CTSB: variants seen among roughly 807,000 people sequenced by gnomAD.
The protein encoded by CTSB is APP secretase.
A neutral mutation model predicts 44.3 loss-of-function variants in CTSB; 57 were observed. The observed-to-expected ratio is 1.29, with a 90% CI of 1.04 to 1.60. CTSB has a LOEUF of 1.60. Ranked by LOEUF, CTSB falls within the 40% of genes most tolerant of loss-of-function variation. The pLI is 0.00. For synonymous variants in CTSB, 320 were observed against 168.0 expected (o/e 1.91, Z -7.00); for missense variants, 768 against 443.0 (o/e 1.73, Z -6.59).
At chr8:11,852,574 C>G in intron 3 of CTSB, 36 bp downstream of exon 3, 3 of 1,566,428 alleles carry the variant, frequency 1.9e-6, no homozygotes, top group Non-Finnish European at 2.6e-6. Context: ...ACGCCTGCCA[C>G]TCACATTACA....
At chr8:11,859,327 T>C (rs1816013866) in intron 1 of CTSB, among the ~76,000 whole-genome samples, 1 of 152,114 alleles carries the variant, frequency 6.6e-6, no homozygotes, top group Admixed American at 6.5e-5. Flanking sequence ...TGAAGCCGTT[T>C]CCAGGACAAA....
intron 8 of CTSB, among the ~76,000 whole-genome samples, chr8:11,846,681 A>G (rs1218702720): frequency 6.6e-6 from 1 of 152,226 alleles, no homozygotes; most frequent in Non-Finnish European, 1.5e-5. Context: ...CTGCCATTAT[A>G]ACAGAAACAT....
In CTSB at chr8:11,852,708, C is replaced by A. The variant is rs781084924; in HGVS notation, c.127-13G>T. On this transcript the variant is annotated splice_polypyrimidine_tract_variant and intron_variant, in intron 2 of 9. Coordinates refer to ENST00000353047, the MANE Select transcript of CTSB (RefSeq NM_001908.5). ...AGTTGTGCCCGGCCTGGAAGAGAGT[C>A]ACCCACTGACTGAAGGGTCTCCCGG... is the stretch of plus-strand genomic sequence containing the variant. The A allele has an allele frequency of 8.7e-6, 14 of 1,612,566 alleles. No homozygotes were observed. Among genetic ancestry groups the A allele is most frequent in the Non-Finnish European group, 1.0e-5 (12 of 1,179,000 alleles).
chr8:11,851,931 T>G (rs1814658787), intron 3 of CTSB, among the ~76,000 whole-genome samples: 1 of 152,178 alleles, frequency 6.6e-6, no homozygotes, highest in South Asian at 2.1e-4. Flanking sequence ...CATCCCAAAG[T>G]GCTGGGATTA....
At position 11,850,782 on chromosome 8, in the gene CTSB, GT is replaced by G; in HGVS notation, c.327+83del. ...TTCTATAACTTGCCTTGTCAGAGTTGTCCCCACCCCGAATCCCCCAAGACTC... is the reference window on the plus strand; with the variant it reads ...TTCTATAACTTGCCTTGTCAGAGTTGCCCCACCCCGAATCCCCCAAGACTC... On this transcript the variant is annotated intron_variant, in intron 4 of 9. Transcript: ENST00000353047. The G allele has an allele frequency of 9.8e-6, 9 of 922,080 alleles. No homozygotes were observed. In the South Asian group the frequency reaches 1.4e-4, roughly 14 times the overall value. 57.1% of individuals were successfully genotyped at this position (922,080 alleles called of 1,614,324 possible).
intron 4 of CTSB, chr8:11,849,995 T>A (rs1185773498): frequency 1.3e-5 from 2 of 152,414 alleles, no homozygotes; most frequent in African/African-American, 4.8e-5. Flanking sequence ...GAGTGGGGCT[T>A]ACCAGGGGCT....
intron 3 of CTSB, 118 bp from the exon 4 acceptor site, chr8:11,851,098 C>G (rs565260977): frequency 2.5e-5 from 15 of 590,066 alleles, no homozygotes; most frequent in Admixed American, 1.1e-4. Flanking sequence ...ACAAGACATG[C>G]CGAAGAAGGC....
rs770352281 is a variant in CTSB at position 11,847,719 on chromosome 8, C to T, written c.636G>A (p.Glu212=). The change falls in exon 7 of 10, where the codon GAG becomes GAA. Residue 212 remains glutamate (E), a synonymous_variant. Transcript: ENST00000353047. ...GDTPKCSKIC[E]PGYSPTYKQD... ...GTTTGTAGGTCGGGCTGTAGCCAGG[C>T]TCACAGATCTTGCTACACTTGGGGG... 2 of 1,594,506 alleles carry T rather than the reference C, an allele frequency of 1.3e-6. No individual in the cohort carries two copies. Among genetic ancestry groups the T allele is most frequent in the South Asian group, 1.1e-5 (1 of 88,316 alleles).
intron 1 of CTSB, among the ~76,000 whole-genome samples, chr8:11,866,137 C>T (rs1586216042): frequency 6.6e-6 from 1 of 152,268 alleles, no homozygotes; most frequent in Non-Finnish European, 1.5e-5. Flanking sequence ...CAACCAAGAG[C>T]AACAGAAAAT....
chr8:11,846,457 A>C (rs560118098), intron 8 of CTSB: 1 of 152,654 alleles, frequency 6.6e-6, no homozygotes. Context: ...TTAATGGGAT[A>C]GATGCAGTCA....
chr8:11,854,003 C>T (rs1304955158), intron 1 of CTSB, among the ~76,000 whole-genome samples: 3 of 152,174 alleles, frequency 2.0e-5, no homozygotes, highest in Non-Finnish European at 2.9e-5. Flanking sequence ...CACCCACTCC[C>T]GGGGCCTCTC....
chr8:11,845,630 T>A, intron 9 of CTSB, 31 bp downstream of exon 9: 1 of 1,604,314 alleles, frequency 6.2e-7, no homozygotes, highest in East Asian at 2.2e-5. Flanking sequence ...CACAATTCAC[T>A]GTTCTTGGCA....
At chr8:11,854,355 G>T (rs113105154) in intron 1 of CTSB, among the ~76,000 whole-genome samples, 1 of 152,112 alleles carries the variant, frequency 6.6e-6, no homozygotes, top group Admixed American at 6.5e-5. Context: ...ACAGGACTGC[G>T]GTGTCAGTGC....
rs771218785 is a variant in CTSB, at chr8:11,850,866, C to G, written c.327G>C (p.Trp109Cys). Residue 109 changes from tryptophan to cysteine, a missense_variant and splice_region_variant, in exon 4 of 10, where the codon TGG (tryptophan) becomes TGC (cysteine). Transcript: ENST00000353047. ...TCCCCGCCAGCCAGCAGGGCCTTAC[C>G]CAGCAGGAGCCACAGGAGCCCTGGT... ...IRDQGSCGSC[W>C]AFGAVEAISD... is the part of the protein sequence containing the mutation. The G allele has an allele frequency of 6.2e-7, 1 of 1,610,434 alleles. No homozygotes were observed. The highest frequency in any genetic ancestry group is 1.1e-5 in the South Asian group (1 of 90,648).
chr8:11,845,323 C>G (rs1033965773), intron 9 of CTSB, 101 bp from the exon 10 acceptor site: 1 of 903,412 alleles, frequency 1.1e-6, no homozygotes, highest in East Asian at 2.6e-5. Context: ...CCTGGCCACT[C>G]CTGCTGTTGG....
chr8:11,845,833 C>A, intron 8 of CTSB, 44 bp from the exon 9 acceptor site: 3 of 1,565,790 alleles, frequency 1.9e-6, no homozygotes, highest in Non-Finnish European at 1.7e-6. Flanking sequence ...GGGCCACTGT[C>A]CCACGCCCCA....
At chr8:11,856,609 A>C (rs1394649168) in intron 1 of CTSB, among the ~76,000 whole-genome samples, 2 of 152,188 alleles carry the variant, frequency 1.3e-5, no homozygotes, top group African/African-American at 4.8e-5. Context: ...TAATAAAATA[A>C]AAGTAAAAAA....
chr8:11,848,627 C>G (rs1813923351), intron 5 of CTSB: 1 of 306,396 alleles, frequency 3.3e-6, no homozygotes. Context: ...ACTGCGGAAC[C>G]AAGGCGAGGC....
intron 8 of CTSB, 135 bp from the exon 9 acceptor site, chr8:11,845,924 C>T (rs1006031267): frequency 9.6e-7 from 1 of 1,042,820 alleles, no homozygotes. Context: ...CACCAGGAGG[C>T]TCCAGGGGGG....
Sources: gnomAD v4.1 joint callset for allele counts (sites outside exome capture counted in the v4.1 genomes callset) on GRCh38, gnomAD v4.1.1 for gene constraint, MANE v1.5 for transcripts, NCBI Gene and HGNC (gene_info 2026-07-23, HGNC 2026-07-21) for gene names.